The following KCNQ3 variants were observed in gnomAD, a reference collection of about 807,000 sequenced individuals.
The protein encoded by KCNQ3 is potassium voltage-gated channel subfamily Q member 3, also known as potassium voltage-gated channel subfamily KQT member 3.
Under a neutral mutation model 92.5 loss-of-function variants are expected in KCNQ3, and 30 were observed. The ratio of observed to expected loss-of-function variants is 0.32; its 90% CI spans 0.24 to 0.44. The LOEUF is 0.44. Ranked by LOEUF, KCNQ3 falls within the 20% of genes least tolerant of loss-of-function variation. The pLI, the probability that KCNQ3 is intolerant of heterozygous loss-of-function variation, is 1.00. For missense variants in KCNQ3, 913 were observed against 1,140.3 expected (o/e 0.80, Z 2.87); for synonymous variants, 450 against 468.8 (o/e 0.96, Z 0.52).
At chr8:132,287,398 T>C (rs1816707134) in intron 1 of KCNQ3, among the ~76,000 whole-genome samples, 2 of 152,180 alleles carry the variant, frequency 1.3e-5, no homozygotes, top group Admixed American at 1.3e-4. Context: ...AATTTGACAA[T>C]CCAGAAATTT....
At chr8:132,384,668 T>C (rs991380190) in intron 1 of KCNQ3, among the ~76,000 whole-genome samples, 1 of 150,590 alleles carries the variant, frequency 6.6e-6, no homozygotes, top group African/African-American at 2.5e-5. Context: ...GTTCAAGGAG[T>C]TTTTTAATAT....
chr8:132,364,479 A>T (rs1274260720), intron 1 of KCNQ3, among the ~76,000 whole-genome samples: 3 of 152,322 alleles, frequency 2.0e-5, no homozygotes, highest in Middle Eastern at 3.4e-3. Context: ...TCTGTTTATC[A>T]TCTCAAGGTT....
chr8:132,126,932 G>T lies in KCNQ3; in HGVS notation c.*2330C>A, dbSNP rs1031552684. 6.6e-6 allele frequency: 1 copy of T among 152,110 alleles called. No homozygotes were observed. The allele number at this position is 152,110 out of a possible 1,614,324, so 9.4% of individuals were successfully genotyped here. On this transcript the variant is annotated 3_prime_UTR_variant, in exon 15 of 15. Transcript: ENST00000388996. ...TAAGTAAGTTAAAAAATTAATTGGC[G>T]CATATGTGGAGAGTATGACTCACTC... is the stretch of plus-strand genomic sequence containing the variant.
intron 1 of KCNQ3, among the ~76,000 whole-genome samples, chr8:132,429,788 G>A (rs369388817): frequency 7.3e-5 from 11 of 150,980 alleles, no homozygotes; most frequent in South Asian, 4.2e-4. Flanking sequence ...TTGAACCCAG[G>A]AGGCGGAGGT....
intron 1 of KCNQ3, among the ~76,000 whole-genome samples, chr8:132,458,061 C>T (rs1485693173): frequency 6.6e-6 from 1 of 152,118 alleles, no homozygotes; most frequent in African/African-American, 2.4e-5. Context: ...ATGGCAAACC[C>T]TCCATAAATC....
chr8:132,326,765 T>A (rs535978823), intron 1 of KCNQ3, among the ~76,000 whole-genome samples: 79 of 152,322 alleles, frequency 5.2e-4, no homozygotes, highest in African/African-American at 1.8e-3. Context: ...GCTTCCAGCC[T>A]CTAGAACCAT....
intron 9 of KCNQ3, among the ~76,000 whole-genome samples, chr8:132,158,889 T>C (rs1468692026): frequency 2.6e-5 from 4 of 152,114 alleles, no homozygotes; most frequent in African/African-American, 9.7e-5. Context: ...AATCATCACA[T>C]AGGAAATAAA....
chr8:132,262,650 T>TA (rs1815826778), intron 1 of KCNQ3, among the ~76,000 whole-genome samples: 1 of 150,948 alleles, frequency 6.6e-6, no homozygotes. Flanking sequence ...TTTTTTTTTT[T>TA]ACCATGATAT....
At chr8:132,372,461 A>G (rs1159795658) in intron 1 of KCNQ3, among the ~76,000 whole-genome samples, 2 of 152,150 alleles carry the variant, frequency 1.3e-5, no homozygotes, top group Non-Finnish European at 2.9e-5. Flanking sequence ...GTGAAGACAG[A>G]AAAGTGCTTA....
At chr8:132,453,665 T>C (rs1164653949) in intron 1 of KCNQ3, among the ~76,000 whole-genome samples, 2 of 151,932 alleles carry the variant, frequency 1.3e-5, no homozygotes, top group Non-Finnish European at 2.9e-5. Flanking sequence ...CAGTCAATTC[T>C]CATTGATCTG....
intron 9 of KCNQ3, among the ~76,000 whole-genome samples, chr8:132,146,485 T>A (rs1825452122): frequency 6.6e-6 from 1 of 152,152 alleles, no homozygotes; most frequent in South Asian, 2.1e-4. Flanking sequence ...CCTGGGAGCA[T>A]GGAACAGGGG....
chr8:132,444,410 T>A (rs12549298), intron 1 of KCNQ3, among the ~76,000 whole-genome samples: 54,145 of 151,946 alleles, frequency 0.36, 10,776 homozygotes, highest in African/African-American at 0.54. Context: ...TGAATATCGT[T>A]GAATCAAGGA....
chr8:132,134,307 T>C lies in KCNQ3; in HGVS notation c.1782A>G (p.Pro594=). The C allele has an allele frequency of 6.2e-7, 1 of 1,613,792 alleles. No individual in the cohort carries two copies. Among genetic ancestry groups the C allele is most frequent in the Non-Finnish European group, 8.5e-7 (1 of 1,179,840 alleles). The change falls in exon 13 of 15, where the codon CCA becomes CCG. Residue 594 remains proline (P), a synonymous_variant. Coordinates refer to ENST00000388996, the MANE Select transcript of KCNQ3 (RefSeq NM_004519.4). ...KSQKGSAFTF[P]SQQSPRNEPY... Reference sequence around the variant, plus strand: ...GGCCCCACCTGGGAGATTGCTGGGATGGGAAGGTGAATGCTGACCCTTTCT... The same window carrying C: ...GGCCCCACCTGGGAGATTGCTGGGACGGGAAGGTGAATGCTGACCCTTTCT...
chr8:132,187,816 G>GTGGTGA (rs1375096847), intron 1 of KCNQ3, among the ~76,000 whole-genome samples: 1 of 145,310 alleles, frequency 6.9e-6, no homozygotes, highest in Non-Finnish European at 1.5e-5. Context: ...GATGGTGGTG[G>GTGGTGA]TGGTGGTGGT....
At chr8:132,166,989 G>T (rs1826161682) in intron 8 of KCNQ3, among the ~76,000 whole-genome samples, 1 of 152,100 alleles carries the variant, frequency 6.6e-6, no homozygotes, top group Admixed American at 6.5e-5. Flanking sequence ...GTTCATAGCA[G>T]CATTATTCAC....
At chr8:132,477,127 C>T (rs761036650) in intron 1 of KCNQ3, among the ~76,000 whole-genome samples, 161 of 152,262 alleles carry the variant, frequency 1.1e-3, no homozygotes, top group Non-Finnish European at 1.7e-3. Context: ...ACCACCCCTT[C>T]CCACCTCCGC....
At chr8:132,156,486 C>T (rs754201628) in intron 9 of KCNQ3, among the ~76,000 whole-genome samples, 6 of 152,086 alleles carry the variant, frequency 3.9e-5, no homozygotes, top group African/African-American at 1.2e-4. Context: ...GAAGAAATGA[C>T]CATAGATCTG....
At position 132,127,651 on chromosome 8, in the gene KCNQ3, A is replaced by G. The variant is rs1824714624; in HGVS notation, c.*1611T>C. On this transcript the variant is annotated 3_prime_UTR_variant, in exon 15 of 15. Transcript: ENST00000388996. ...GGATTATCTTGATTGTCACCATGGC[A>G]ACTATCCACAACCAGTGCCTAGGTG... The G allele has an allele frequency of 6.6e-6, 1 of 152,240 alleles. No individual in the cohort carries two copies. Among genetic ancestry groups the G allele is most frequent in the Non-Finnish European group, 1.5e-5 (1 of 68,036 alleles). The allele number at this position is 152,240 out of a possible 1,614,324, so 9.4% of individuals were successfully genotyped here. A position where few individuals can be genotyped will look rare whatever the true frequency, so the allele number is the denominator to read the frequency against.
intron 6 of KCNQ3, among the ~76,000 whole-genome samples, chr8:132,173,300 AG>A (rs1321146974): frequency 3.9e-5 from 6 of 152,234 alleles, no homozygotes; most frequent in Non-Finnish European, 5.9e-5. Context: ...CTCATCAATG[AG>A]AAAACTGAGA....
Sources: gnomAD v4.1 joint callset for allele counts (sites outside exome capture counted in the v4.1 genomes callset) on GRCh38, gnomAD v4.1.1 for gene constraint, MANE v1.5 for transcripts, NCBI Gene and HGNC (gene_info 2026-07-23, HGNC 2026-07-21) for gene names.